ARHGAP24: variants seen among roughly 807,000 people sequenced by gnomAD.
ARHGAP24 encodes rho GTPase-activating protein 24.
A neutral mutation model predicts 76.4 loss-of-function variants in ARHGAP24; 50 were observed. The ratio of observed to expected loss-of-function variants is 0.65; its 90% CI spans 0.52 to 0.83. ARHGAP24 has a LOEUF of 0.83. Ranked by LOEUF, ARHGAP24 falls within the 40% of genes least tolerant of loss-of-function variation. ARHGAP24 has a pLI of 0.00. For synonymous variants in ARHGAP24, 345 were observed against 323.3 expected, an observed-to-expected ratio of 1.07 and a Z score of -0.72; for missense variants, 930 against 914.2, an observed-to-expected ratio of 1.02 and a Z score of -0.22.
chr4:85,697,443 A>G lies in ARHGAP24; in HGVS notation c.181-24442A>G, dbSNP rs554010963. On this transcript the variant is annotated intron_variant, in intron 2 of 9. Coordinates refer to ENST00000395184, the MANE Select transcript of ARHGAP24 (RefSeq NM_001025616.3). Reference sequence around the variant, plus strand: ...TTAATCCAGCCTATCGTTGTTGGACATATGTAACAAACCTGCACGTTGTGC... The same window carrying G: ...TTAATCCAGCCTATCGTTGTTGGACGTATGTAACAAACCTGCACGTTGTGC... 1.2e-4 allele frequency among the ~76,000 whole-genome samples: 19 copies of G among 152,212 alleles called. 1 individual carries two copies. Among genetic ancestry groups the G allele is most frequent in the Non-Finnish European group, 2.5e-4 (17 of 68,046 alleles).
At chr4:85,740,965 T>G (rs181458572) in intron 3 of ARHGAP24, among the ~76,000 whole-genome samples, 37 of 152,388 alleles carry the variant, frequency 2.4e-4, no homozygotes, top group African/African-American at 8.2e-4. Context: ...AATTTAACAG[T>G]GCTTGTATTC....
rs186679922 is a variant in ARHGAP24 at position 85,483,689 on chromosome 4, T to C, written c.-21+8130T>C. Among the ~76,000 whole-genome samples the C allele has an allele frequency of 8.6e-5, 13 of 151,632 alleles. No homozygotes were observed. The East Asian group carries it at 2.5e-3, about 29-fold the overall frequency. ...AAATTGTTTCATATGTTTTAATTTG[T>C]GTGTGTGTGTGTGCATTTCATACAC... On this transcript the variant is annotated intron_variant, in intron 1 of 9. Transcript: ENST00000395184.
chr4:85,783,475 T>C (rs1398637771), intron 3 of ARHGAP24, among the ~76,000 whole-genome samples: 1 of 152,182 alleles, frequency 6.6e-6, no homozygotes, highest in Non-Finnish European at 1.5e-5. Context: ...GATCACTTTT[T>C]TTTTTTTAAG....
intron 3 of ARHGAP24, among the ~76,000 whole-genome samples, chr4:85,874,461 A>G (rs1157902060): frequency 2.0e-5 from 3 of 152,088 alleles, no homozygotes; most frequent in Admixed American, 2.0e-4. Context: ...ATAAGCCACT[A>G]CTGGAAAAAG....
intron 1 of ARHGAP24, among the ~76,000 whole-genome samples, chr4:85,533,188 C>T (rs1349080496): frequency 6.6e-6 from 1 of 152,080 alleles, no homozygotes; most frequent in Non-Finnish European, 1.5e-5. Flanking sequence ...TGGTGATAAA[C>T]CTCAAGGGAA....
chr4:85,811,759 G>A (rs964375120), intron 3 of ARHGAP24, among the ~76,000 whole-genome samples: 3 of 152,112 alleles, frequency 2.0e-5, no homozygotes, highest in Non-Finnish European at 4.4e-5. Context: ...ATCAAAACAT[G>A]TTACATCCAA....
chr4:85,726,790 A>ACTTG (rs1725184972), intron 3 of ARHGAP24, among the ~76,000 whole-genome samples: 6 of 152,142 alleles, frequency 3.9e-5, no homozygotes, highest in Admixed American at 3.9e-4. Flanking sequence ...TCCTTACTAC[A>ACTTG]ACTCTATGAG....
chr4:85,675,529 G>A (rs188385646), intron 2 of ARHGAP24, among the ~76,000 whole-genome samples: 41 of 152,250 alleles, frequency 2.7e-4, no homozygotes, highest in Admixed American at 2.1e-3. Flanking sequence ...ACTGGATTGC[G>A]GGGTAACAAT....
intron 1 of ARHGAP24, among the ~76,000 whole-genome samples, chr4:85,487,819 A>G (rs920828778): frequency 1.7e-5 from 2 of 115,722 alleles, no homozygotes; most frequent in African/African-American, 7.0e-5. Context: ...ATATTATATA[A>G]ACATATTTAT....
chr4:85,909,391 C>T (rs1035979603), intron 3 of ARHGAP24, among the ~76,000 whole-genome samples: 1 of 151,992 alleles, frequency 6.6e-6, no homozygotes, highest in Non-Finnish European at 1.5e-5. Context: ...CATATCTGTT[C>T]CCTCTTTGGT....
intron 3 of ARHGAP24, among the ~76,000 whole-genome samples, chr4:85,744,467 G>A (rs1725949632): frequency 6.6e-6 from 1 of 152,172 alleles, no homozygotes; most frequent in Non-Finnish European, 1.5e-5. Flanking sequence ...TTTCTTAAAT[G>A]AGAGCAAAAA....
intron 1 of ARHGAP24, among the ~76,000 whole-genome samples, chr4:85,506,220 A>C (rs1724042286): frequency 6.6e-6 from 1 of 152,178 alleles, no homozygotes; most frequent in Admixed American, 6.5e-5. Context: ...TTGAGGAGGC[A>C]GCGTGTCTGT....
intron 2 of ARHGAP24, among the ~76,000 whole-genome samples, chr4:85,711,274 G>T (rs116950736): frequency 0.024 from 3,620 of 151,494 alleles, 51 homozygotes; most frequent in South Asian, 0.056. Context: ...GAGAGGAGTG[G>T]GAAAAATAAC....
chr4:85,702,966 G>C (rs1165356833), intron 2 of ARHGAP24, among the ~76,000 whole-genome samples: 1 of 150,614 alleles, frequency 6.6e-6, no homozygotes, highest in Non-Finnish European at 1.5e-5. Context: ...CAAAGGTGGA[G>C]GTCAGAAGTG....
intron 3 of ARHGAP24, among the ~76,000 whole-genome samples, chr4:85,921,410 A>C (rs1319131961): frequency 6.6e-6 from 1 of 152,096 alleles, no homozygotes; most frequent in Admixed American, 6.5e-5. Flanking sequence ...AAGGAGGGAG[A>C]AAATCAGGAA....
At chr4:85,583,600 A>C (rs1727702807) in intron 2 of ARHGAP24, among the ~76,000 whole-genome samples, 1 of 152,074 alleles carries the variant, frequency 6.6e-6, no homozygotes. Flanking sequence ...ATGGGATCTA[A>C]TTAAACTAAA....
intron 4 of ARHGAP24, among the ~76,000 whole-genome samples, chr4:85,935,794 G>A (rs1170178103): frequency 6.6e-6 from 1 of 152,166 alleles, no homozygotes; most frequent in East Asian, 1.9e-4. Context: ...CAAAGACCTA[G>A]TCCACTGGGT....
chr4:85,678,104 T>G (rs1246980715), intron 2 of ARHGAP24, among the ~76,000 whole-genome samples: 1 of 151,892 alleles, frequency 6.6e-6, no homozygotes, highest in African/African-American at 2.4e-5. Context: ...CCATGGTAAC[T>G]CATGCCTGAA....
At chr4:85,952,916 T>A in intron 5 of ARHGAP24, among the ~76,000 whole-genome samples, 1 of 152,218 alleles carries the variant, frequency 6.6e-6, no homozygotes, top group East Asian at 1.9e-4. Context: ...ACATAACTTT[T>A]TATATTAAAC....
Sources: allele counts gnomAD v4.1 joint callset (sites outside exome capture counted in the v4.1 genomes callset), GRCh38; gene constraint gnomAD v4.1.1; transcripts MANE v1.5; gene names NCBI Gene and HGNC (gene_info 2026-07-23, HGNC 2026-07-21).